SLC28A3: variants seen among roughly 807,000 people sequenced by gnomAD.
SLC28A3 encodes the protein concentrative Na(+)-nucleoside cotransporter 3.
In SLC28A3, 68 loss-of-function variants were observed where a neutral mutation model predicts 84.2. The ratio of observed to expected loss-of-function variants is 0.81; its 90% CI spans 0.66 to 0.99. The LOEUF (loss-of-function observed/expected upper bound fraction) is 0.99, where lower values mean the gene tolerates loss of function less well. SLC28A3 is among the 50% of genes least tolerant of loss of function. The pLI is 0.00. For missense variants in SLC28A3, 712 were observed against 841.5 expected (o/e 0.85, Z 1.90); for synonymous variants, 267 against 303.6 (o/e 0.88, Z 1.25).
chr9:84,319,010 A>T (rs1826270855), intron 1 of SLC28A3, among the ~76,000 whole-genome samples: 1 of 152,204 alleles, frequency 6.6e-6, no homozygotes, highest in Non-Finnish European at 1.5e-5. Context: ...TTGATAATAA[A>T]ATCTAAGATG....
chr9:84,314,299 G>T (rs1826093191), intron 1 of SLC28A3, among the ~76,000 whole-genome samples: 1 of 152,102 alleles, frequency 6.6e-6, no homozygotes, highest in South Asian at 2.1e-4. Flanking sequence ...CCCCTCAGCT[G>T]CTGTTTCCAG....
At chr9:84,316,220 A>G (rs911539957) in intron 1 of SLC28A3, among the ~76,000 whole-genome samples, 3 of 152,194 alleles carry the variant, frequency 2.0e-5, no homozygotes, top group East Asian at 3.9e-4. Flanking sequence ...TTTCTAAACC[A>G]TATAATAACT....
chr9:84,354,390 C>G, the SLC28A3 span, among the ~76,000 whole-genome samples: 1 of 152,244 alleles, frequency 6.6e-6, no homozygotes, highest in Non-Finnish European at 1.5e-5. Flanking sequence ...AGGAACCCCA[C>G]AGGTTACACC....
chr9:84,287,600 T>C (rs1293101278), intron 12 of SLC28A3, among the ~76,000 whole-genome samples: 1 of 152,098 alleles, frequency 6.6e-6, no homozygotes, highest in South Asian at 2.1e-4. Flanking sequence ...AACAAGATTT[T>C]GGCCAGGTCC....
intron 16 of SLC28A3, 150 bp from the exon 17 acceptor site, chr9:84,279,535 G>A (rs375652589): frequency 2.3e-4 from 119 of 511,732 alleles, no homozygotes; most frequent in East Asian, 4.7e-4. Flanking sequence ...TCTGCCTCCC[G>A]GGTTCAAGCG....
intron 3 of SLC28A3, among the ~76,000 whole-genome samples, chr9:84,307,430 C>CA (rs773007559): frequency 0.076 from 3,056 of 40,404 alleles, 37 homozygotes; most frequent in African/African-American, 0.1. Flanking sequence ...GACTCCATCT[C>CA]AAAAAAAAAA....
chr9:84,350,270 C>T, the SLC28A3 span, among the ~76,000 whole-genome samples: 1 of 152,010 alleles, frequency 6.6e-6, no homozygotes, highest in South Asian at 2.1e-4. Flanking sequence ...GGTGAAACCA[C>T]GTCTCTACTA....
chr9:84,329,713 ACT>A (rs995960954), intron 1 of SLC28A3, among the ~76,000 whole-genome samples: 5 of 151,070 alleles, frequency 3.3e-5, no homozygotes, highest in African/African-American at 1.2e-4. Context: ...TTAGAGTGAG[ACT>A]CTGTCTCATG....
rs1299477927 is a variant in SLC28A3, at chr9:84,302,390, C to T, written c.335-1G>A. The T allele has an allele frequency of 6.2e-7, 1 of 1,612,514 alleles. No individual in the cohort carries two copies. Among genetic ancestry groups the T allele is most frequent in the Non-Finnish European group, 8.5e-7 (1 of 1,179,418 alleles). On this transcript the variant is annotated splice_acceptor_variant, in intron 4 of 17. Transcript: ENST00000376238. LOFTEE classifies it high-confidence loss of function. ...GCCGAAATCACCATAACCAGATAAC[C>T]TGTCCAGGAAGCAAAAACAGACACT...
In SLC28A3 at chr9:84,280,041, C is replaced by T. The variant is rs1037170900; in HGVS notation, c.1762G>A (p.Ala588Thr). ...SMAPSRKRDI[A>T]SGAVRALIAG... ...ATCAGAGCTCTCACTGCCCCCGAGGCGATATCACGCTTTCTGGAAGGAGCC... is the reference window on the plus strand; with the variant it reads ...ATCAGAGCTCTCACTGCCCCCGAGGTGATATCACGCTTTCTGGAAGGAGCC... Residue 588 changes from alanine (A) to threonine (T), a missense_variant, in exon 16 of 18, where the codon GCC becomes ACC. Coordinates refer to ENST00000376238, the MANE Select transcript of SLC28A3 (RefSeq NM_001199633.2). 1.7e-5 allele frequency: 28 copies of T among 1,613,726 alleles called. No individual in the cohort carries two copies. The highest frequency in any genetic ancestry group is 2.2e-5 in the Non-Finnish European group (26 of 1,180,000).
At chr9:84,310,244 G>T (rs192567652) in intron 2 of SLC28A3, among the ~76,000 whole-genome samples, 28 of 152,248 alleles carry the variant, frequency 1.8e-4, no homozygotes, top group African/African-American at 6.3e-4. Flanking sequence ...TTATCAGTTG[G>T]GCTAAAGGGG....
intron 8 of SLC28A3, among the ~76,000 whole-genome samples, chr9:84,296,108 G>A (rs536518648): frequency 2.0e-5 from 3 of 152,190 alleles, no homozygotes; most frequent in Non-Finnish European, 2.9e-5. Flanking sequence ...TGGGTAGCAA[G>A]TTATTCCTTC....
At chr9:84,282,271 C>T (rs1355527100) in intron 14 of SLC28A3, among the ~76,000 whole-genome samples, 3 of 150,950 alleles carry the variant, frequency 2.0e-5, no homozygotes, top group Admixed American at 2.0e-4. Context: ...CTACAAATGG[C>T]CATGAGGAAA....
At chr9:84,280,945 C>T in intron 14 of SLC28A3, 63 bp from the exon 15 acceptor site, 1 of 1,465,292 alleles carries the variant, frequency 6.8e-7, no homozygotes, top group Non-Finnish European at 9.5e-7. Flanking sequence ...ATCTGACATC[C>T]AACTGGGCTT....
chr9:84,285,277 G>A (rs1293719313), intron 14 of SLC28A3, 68 bp downstream of exon 14: 6 of 1,471,672 alleles, frequency 4.1e-6, no homozygotes, highest in Non-Finnish European at 5.6e-6. Flanking sequence ...ACACACAGAG[G>A]CATAAGTAAT....
intron 8 of SLC28A3, among the ~76,000 whole-genome samples, chr9:84,296,367 T>C (rs973706878): frequency 6.6e-6 from 1 of 152,174 alleles, no homozygotes; most frequent in African/African-American, 2.4e-5. Flanking sequence ...GGTTTAACGT[T>C]TTAGGCTGAA....
chr9:84,284,719 A>G (rs1047094236), intron 14 of SLC28A3, among the ~76,000 whole-genome samples: 12 of 152,172 alleles, frequency 7.9e-5, no homozygotes, highest in African/African-American at 2.9e-4. Flanking sequence ...GCAGATGTGA[A>G]TGCCTCCTTG....
chr9:84,309,212 T>C (rs116506165), intron 3 of SLC28A3, among the ~76,000 whole-genome samples: 6,444 of 151,828 alleles, frequency 0.042, 416 homozygotes, highest in African/African-American at 0.14. Context: ...CTCTAATAAA[T>C]TATAATAAGT....
the SLC28A3 span, among the ~76,000 whole-genome samples, chr9:84,368,239 T>G: frequency 1.3e-5 from 2 of 152,166 alleles, no homozygotes; most frequent in African/African-American, 4.8e-5. Flanking sequence ...ACAAAGCACA[T>G]CCTGCACAGC....
Sources: allele counts gnomAD v4.1 joint callset (sites outside exome capture counted in the v4.1 genomes callset), GRCh38; gene constraint gnomAD v4.1.1; transcripts MANE v1.5; gene names NCBI Gene and HGNC (gene_info 2026-07-23, HGNC 2026-07-21).